The following BCAS1 variants were observed in gnomAD, a reference collection of about 807,000 sequenced individuals.
BCAS1 encodes breast carcinoma-amplified sequence 1.
In BCAS1, 46 loss-of-function variants were observed where a neutral mutation model predicts 65.4. That is an observed-to-expected ratio of 0.70 (90% CI 0.55 to 0.90). The LOEUF (loss-of-function observed/expected upper bound fraction) is 0.90, where lower values mean the gene tolerates loss of function less well. Among genes scored for constraint, BCAS1 ranks in the 40% least tolerant of loss-of-function variants. The pLI is 0.00. For synonymous variants in BCAS1, 298 were observed against 293.5 expected, an observed-to-expected ratio of 1.02 and a Z score of -0.16; for missense variants, 793 against 771.2, an observed-to-expected ratio of 1.03 and a Z score of -0.33.
intron 11 of BCAS1, among the ~76,000 whole-genome samples, chr20:53,956,709 A>T (rs953471802): frequency 2.0e-5 from 3 of 151,950 alleles, no homozygotes; most frequent in African/African-American, 7.3e-5. Context: ...AGACAGTTTG[A>T]GTCTACCACT....
chr20:54,053,421 G>T (rs535386184), intron 3 of BCAS1, among the ~76,000 whole-genome samples: 1 of 152,230 alleles, frequency 6.6e-6, no homozygotes, highest in African/African-American at 2.4e-5. Context: ...GTTTAAAAGA[G>T]GTATTTTCCC....
intron 4 of BCAS1, among the ~76,000 whole-genome samples, chr20:53,996,417 A>AGAT (rs1296889324): frequency 2.0e-5 from 3 of 149,928 alleles, no homozygotes; most frequent in Non-Finnish European, 4.4e-5. Context: ...TTATCCCCAG[A>AGAT]GATGGCGTTT....
At chr20:53,995,861 G>C in intron 5 of BCAS1, 31 bp downstream of exon 5, 1 of 1,566,602 alleles carries the variant, frequency 6.4e-7, no homozygotes, top group Non-Finnish European at 8.7e-7. Context: ...GAGCAATAGA[G>C]TGGAGGGGAA....
chr20:54,065,015 G>A (rs951180879), intron 1 of BCAS1, among the ~76,000 whole-genome samples: 4 of 152,120 alleles, frequency 2.6e-5, no homozygotes, highest in Non-Finnish European at 5.9e-5. Flanking sequence ...GCCTGGCAGG[G>A]CGAGCACCTA....
intron 10 of BCAS1, among the ~76,000 whole-genome samples, chr20:53,959,878 C>T (rs1167227252): frequency 6.6e-6 from 1 of 152,212 alleles, no homozygotes; most frequent in Non-Finnish European, 1.5e-5. Context: ...TCTACAAAGG[C>T]CAGTCTTGCT....
At chr20:54,058,024 A>G in intron 3 of BCAS1, 61 bp downstream of exon 3, 2 of 1,188,404 alleles carry the variant, frequency 1.7e-6, no homozygotes, top group Non-Finnish European at 2.5e-6. Flanking sequence ...CACCGTAAAC[A>G]GCATCTGCAG....
chr20:53,985,806 T>A (rs1256915538), intron 7 of BCAS1, among the ~76,000 whole-genome samples: 1 of 152,196 alleles, frequency 6.6e-6, no homozygotes, highest in Non-Finnish European at 1.5e-5. Context: ...GGAGTTCTTA[T>A]TTAGGCCACT....
At chr20:54,056,618 C>G (rs974647586) in intron 3 of BCAS1, among the ~76,000 whole-genome samples, 1 of 152,034 alleles carries the variant, frequency 6.6e-6, no homozygotes, top group Non-Finnish European at 1.5e-5. Context: ...TTTAAAAGAA[C>G]CTTCTACAGA....
At chr20:53,985,690 T>C (rs1029509877) in intron 7 of BCAS1, among the ~76,000 whole-genome samples, 191 bp from the exon 8 acceptor site, 1 of 152,210 alleles carries the variant, frequency 6.6e-6, no homozygotes, top group Non-Finnish European at 1.5e-5. Context: ...AAAGTTAAGA[T>C]ATTTTTCTTT....
chr20:54,005,333 C>CAAAACAAAACAAAACAAA (rs1160830669), intron 4 of BCAS1, among the ~76,000 whole-genome samples: 4 of 151,972 alleles, frequency 2.6e-5, no homozygotes, highest in South Asian at 2.1e-4. Context: ...CAAAACAAAA[C>CAAAACAAAACAAAACAAA]AGAAATTAGC....
intron 8 of BCAS1, among the ~76,000 whole-genome samples, chr20:53,984,164 TA>T (rs994164643): frequency 8.1e-4 from 124 of 152,326 alleles, no homozygotes; most frequent in African/African-American, 2.8e-3. Context: ...ATTATTTAAC[TA>T]AAATTATTCA....
chr20:54,003,017 C>T (rs900991374), intron 4 of BCAS1, among the ~76,000 whole-genome samples: 10 of 152,110 alleles, frequency 6.6e-5, no homozygotes, highest in African/African-American at 2.4e-4. Context: ...GACAAAGACT[C>T]CATATTCACC....
intron 12 of BCAS1, among the ~76,000 whole-genome samples, chr20:53,947,289 AAG>A (rs1195154168): frequency 2.0e-5 from 3 of 152,188 alleles, no homozygotes; most frequent in African/African-American, 7.2e-5. Context: ...AGTGTGATAA[AAG>A]AGTTATGATT....
At position 54,039,259 on chromosome 20, in the gene BCAS1, T is replaced by C. The variant is rs1055286863; in HGVS notation, c.143-10287A>G. 1.3e-4 allele frequency among the ~76,000 whole-genome samples: 20 copies of C among 151,550 alleles called. 1 individual carries two copies. The highest frequency in any genetic ancestry group is 2.5e-4 in the Non-Finnish European group (17 of 67,714). On this transcript the variant is annotated intron_variant, in intron 3 of 12. Transcript: ENST00000688948. The stretch of plus-strand genomic sequence containing the variant: ...TAGATTTGAAACTTTCACTGAATGA[T>C]CGCATTTCATGCTTTTCATCTGTAC...
At chr20:53,945,074 C>CAGAGTAAG in intron 12 of BCAS1, 78 bp from the exon 13 acceptor site, 1 of 1,220,160 alleles carries the variant, frequency 8.2e-7, no homozygotes, top group Non-Finnish European at 1.2e-6. Flanking sequence ...TTATGTAGCA[C>CAGAGTAAG]TTACTCTGTG....
intron 3 of BCAS1, among the ~76,000 whole-genome samples, chr20:54,037,000 GCA>G (rs1418201557): frequency 2.0e-5 from 3 of 150,882 alleles, no homozygotes; most frequent in South Asian, 2.1e-4. Flanking sequence ...AAACATACAT[GCA>G]CACACACACG....
At chr20:54,052,098 TTATCTGATTGAAG>T (rs1156736669) in intron 3 of BCAS1, among the ~76,000 whole-genome samples, 9 of 152,230 alleles carry the variant, frequency 5.9e-5, no homozygotes, top group Non-Finnish European at 1.2e-4. Flanking sequence ...AAAATCAGAT[TTATCTGATTGAAG>T]TATAATTCAC....
At chr20:54,063,023 T>C (rs1286107407) in intron 1 of BCAS1, among the ~76,000 whole-genome samples, 1 of 152,190 alleles carries the variant, frequency 6.6e-6, no homozygotes. Flanking sequence ...AAGAAGCATT[T>C]TGATGTTTTG....
At chr20:54,046,528 CAAAA>C (rs71196442) in intron 3 of BCAS1, among the ~76,000 whole-genome samples, 3 of 54,208 alleles carry the variant, frequency 5.5e-5, no homozygotes, top group Non-Finnish European at 7.1e-5. Context: ...GACTCCATCT[CAAAA>C]AAAAAAAAAA....
Sources: allele counts gnomAD v4.1 joint callset (sites outside exome capture counted in the v4.1 genomes callset), GRCh38; gene constraint gnomAD v4.1.1; transcripts MANE v1.5; gene names NCBI Gene and HGNC (gene_info 2026-07-23, HGNC 2026-07-21).